AP2A2: variants seen among roughly 807,000 people sequenced by gnomAD.
AP2A2 encodes the protein AP-2 complex subunit alpha-2.
In AP2A2, 32 loss-of-function variants were observed where a neutral mutation model predicts 104.2. The observed-to-expected ratio is 0.31, with a 90% confidence interval of 0.23 to 0.41. The LOEUF is 0.41. AP2A2 is among the 10% of genes least tolerant of loss of function. The pLI is 1.00. For synonymous variants in AP2A2, 539 were observed against 533.3 expected (o/e 1.01, Z -0.15); for missense variants, 912 against 1,261.0 (o/e 0.72, Z 4.19).
chr11:983,623 TC>T (rs1441001147), intron 6 of AP2A2, among the ~76,000 whole-genome samples: 8 of 152,130 alleles, frequency 5.3e-5, no homozygotes, highest in African/African-American at 1.9e-4. Context: ...GACCTTGTGA[TC>T]CGCCCGCCTT....
In AP2A2 at chr11:994,372, G is replaced by A. The variant is rs1338723633; in HGVS notation, c.1956+127G>A. 10 of 1,225,470 alleles carry A rather than the reference G, an allele frequency of 8.2e-6. No homozygotes were observed. The East Asian group carries it at 2.5e-4, about 31-fold the overall frequency. The allele number at this position is 1,225,470 out of a possible 1,614,324, so 75.9% of individuals were successfully genotyped here. Reference sequence around the variant, plus strand: ...AACCCAGGCTCTGGCTGTGGCTCTGGACACCCCGCTGTCCTGTCCTGGGGG... The same window carrying A: ...AACCCAGGCTCTGGCTGTGGCTCTGAACACCCCGCTGTCCTGTCCTGGGGG... On this transcript the variant is annotated intron_variant, in intron 14 of 21. Transcript: ENST00000448903.
At chr11:966,986 G>A (rs993119234) in intron 2 of AP2A2, among the ~76,000 whole-genome samples, 4 of 152,058 alleles carry the variant, frequency 2.6e-5, no homozygotes, top group African/African-American at 9.7e-5. Context: ...GGCCAACATG[G>A]TGAAACCCCA....
intron 1 of AP2A2, 113 bp downstream of exon 1, chr11:926,201 C>A (rs1393328504): frequency 6.5e-6 from 3 of 462,000 alleles, no homozygotes; most frequent in African/African-American, 5.6e-5. Context: ...GGGATGCGGG[C>A]GGGGCCCGGG....
Position 977,145 on chromosome 11 carries a change from T to G in AP2A2, c.524T>G (p.Leu175Arg). Residue 175 changes from leucine to arginine, a missense_variant, in exon 5 of 22, where the codon CTG becomes CGG. Leu to Arg is a moderately radical substitution (Grantham distance 102). Coordinates refer to ENST00000448903, the MANE Select transcript of AP2A2 (RefSeq NM_012305.4). ...KQSAALCLLR[L>R]YRTSPDLVPM... ...AGCGCGGCCCTGTGCTTGCTGCGCC[T>G]GTACAGGACGTCCCCCGATCTTGTC... is the stretch of plus-strand genomic sequence containing the variant. 6.2e-7 allele frequency: 1 copy of G among 1,613,730 alleles called. No individual in the cohort carries two copies. Among genetic ancestry groups the G allele is most frequent in the Non-Finnish European group, 8.5e-7 (1 of 1,179,748 alleles).
At chr11:936,207 T>C (rs1034949671) in intron 1 of AP2A2, among the ~76,000 whole-genome samples, 1 of 78,082 alleles carries the variant, frequency 1.3e-5, no homozygotes, top group East Asian at 4.4e-4. Flanking sequence ...GCGCCTGGCC[T>C]TTTTTTTTTT....
Position 979,227 on chromosome 11 carries a change from G to A in AP2A2, c.604-1971G>A, listed in dbSNP as rs146828661. Reference sequence around the variant, plus strand: ...CGCGCCTGTCAGCCTGTTGCAGGGGGCATTCTAGATGCGTGTTTCCTGGGG... The same window carrying A: ...CGCGCCTGTCAGCCTGTTGCAGGGGACATTCTAGATGCGTGTTTCCTGGGG... On this transcript the variant is annotated intron_variant, in intron 5 of 21. Coordinates refer to ENST00000448903, the MANE Select transcript of AP2A2 (RefSeq NM_012305.4). Among the ~76,000 whole-genome samples, 12 of 150,080 alleles carry A rather than the reference G, an allele frequency of 8.0e-5. No individual in the cohort carries two copies. The East Asian group carries it at 2.4e-3, about 30-fold the overall frequency.
rs1564811674 is a variant in AP2A2 at position 988,474 on chromosome 11, G to C, written c.1132-78G>C. The C allele has an allele frequency of 2.6e-6, 4 of 1,542,512 alleles. No individual in the cohort carries two copies. The Admixed American group carries it at 6.9e-5, about 27-fold the overall frequency. The stretch of plus-strand genomic sequence containing the variant: ...ACTCAGAGTGGGTGTTGAGATGCGG[G>C]TGCCGAGCCTGTCCCCAGCCTGTCC... On this transcript the variant is annotated intron_variant, in intron 9 of 21. Coordinates refer to ENST00000448903, the MANE Select transcript of AP2A2 (RefSeq NM_012305.4).
chr11:986,861 C>G lies in AP2A2; in HGVS notation c.1039C>G (p.Leu347Val). ...GCACCGCGAGACCAACCTGCGCTAC[C>G]TGGCCCTGGAGAGCATGTGCACGCT... ...LQHRETNLRY[L>V]ALESMCTLAS... Residue 347 changes from leucine (L) to valine (V), a missense_variant, in exon 9 of 22, where the codon CTG becomes GTG. Leu to Val is a conservative substitution (Grantham distance 32). Transcript: ENST00000448903. 1 of 1,611,936 alleles carries G rather than the reference C, an allele frequency of 6.2e-7. No individual in the cohort carries two copies. The highest frequency in any genetic ancestry group is 8.5e-7 in the Non-Finnish European group (1 of 1,179,292).
At chr11:929,711 G>C (rs752753616) in intron 1 of AP2A2, among the ~76,000 whole-genome samples, 3 of 152,010 alleles carry the variant, frequency 2.0e-5, no homozygotes, top group Admixed American at 1.3e-4. Flanking sequence ...TGAGAGCATT[G>C]TCTGAGCCCT....
At chr11:962,393 T>TA (rs1189511821) in intron 2 of AP2A2, among the ~76,000 whole-genome samples, 1 of 152,246 alleles carries the variant, frequency 6.6e-6, no homozygotes, top group Non-Finnish European at 1.5e-5. Context: ...AAGAATCATC[T>TA]AATGTGTTGA....
chr11:1,006,546 A>G lies in AP2A2; in HGVS notation c.2225A>G (p.Tyr742Cys). Reference protein sequence around the residue: ...RQNLGRMFIFYGNKTSTQFLN... With the variant: ...RQNLGRMFIFCGNKTSTQFLN... ...CTTCTAGGTCGGATGTTTATCTTTT[A>G]TGGTAATAAGACCTCCACGCAGTTC... The change falls in exon 17 of 22, where the codon TAT (tyrosine) becomes TGT (cysteine). Residue 742 changes from tyrosine to cysteine, a missense_variant. Around this residue, in one of 7 missense-constraint regions of AP2A2, gnomAD observed 239 missense variants for 329.8 expected, o/e 0.72. Transcript: ENST00000448903. The G allele has an allele frequency of 1.2e-6, 2 of 1,613,464 alleles. No individual in the cohort carries two copies. Among genetic ancestry groups the G allele is most frequent in the East Asian group, 2.2e-5 (1 of 44,876 alleles).
intron 1 of AP2A2, among the ~76,000 whole-genome samples, chr11:929,281 G>A (rs1827215073): frequency 6.6e-6 from 1 of 152,170 alleles, no homozygotes; most frequent in Admixed American, 6.5e-5. Context: ...GAGAGTGAAT[G>A]ATAGGAGTAG....
intron 1 of AP2A2, among the ~76,000 whole-genome samples, chr11:955,054 C>T (rs1854192064): frequency 6.6e-6 from 1 of 152,186 alleles, no homozygotes; most frequent in Non-Finnish European, 1.5e-5. Flanking sequence ...ATAAGTTCCC[C>T]CTCAGAGTGG....
intron 1 of AP2A2, among the ~76,000 whole-genome samples, chr11:956,475 G>T (rs1854238545): frequency 6.6e-6 from 1 of 152,166 alleles, no homozygotes; most frequent in African/African-American, 2.4e-5. Context: ...AATAAAAAGT[G>T]ACTTAAATGT....
rs763778400 is a variant in AP2A2 at position 1,011,647 on chromosome 11, G to A, written c.*1022G>A. 2.9e-5 allele frequency: 11 copies of A among 373,724 alleles called. No individual in the cohort carries two copies. The highest frequency in any genetic ancestry group is 2.0e-4 in the South Asian group (10 of 51,256). 23.2% of individuals were successfully genotyped at this position (373,724 alleles called of 1,614,324 possible). On this transcript the variant is annotated 3_prime_UTR_variant, in exon 22 of 22. Transcript: ENST00000448903. ...TGGGGCCGGCCTAGGAGCCAAGGCT[G>A]GGGCCTTGCGCTCTGTCCCCAGGAT...
At chr11:933,617 AT>A in intron 1 of AP2A2, 1 of 456,206 alleles carries the variant, frequency 2.2e-6, no homozygotes, top group Non-Finnish European at 4.4e-6. Flanking sequence ...AAGCAGCCCT[AT>A]TTTAAATAGC....
At chr11:955,018 T>G (rs1854190340) in intron 1 of AP2A2, among the ~76,000 whole-genome samples, 1 of 152,252 alleles carries the variant, frequency 6.6e-6, no homozygotes, top group Non-Finnish European at 1.5e-5. Context: ...CTGCTTTAGA[T>G]CTGAGCTCTG....
chr11:998,223 G>A (rs952191039), intron 14 of AP2A2, among the ~76,000 whole-genome samples: 7 of 152,194 alleles, frequency 4.6e-5, no homozygotes, highest in Admixed American at 3.9e-4. Flanking sequence ...GAGCACATGA[G>A]ACCCGTGTCG....
In AP2A2 at chr11:964,823, C is replaced by T. The variant is rs184622927; in HGVS notation, c.136+5318C>T. 1.2e-3 allele frequency among the ~76,000 whole-genome samples: 145 copies of T among 126,074 alleles called. 8 individuals are homozygous for T. Among genetic ancestry groups the T allele is most frequent in the African/African-American group, 3.9e-3 (140 of 35,620 alleles). The allele number at this position is 126,074 out of a possible 152,430, so 82.7% of individuals were successfully genotyped here. ...AAGCGTGGAAATGGAAAGCATGGAA[C>T]GGGCAGGAAATTAAAGGAAATAATC... On this transcript the variant is annotated intron_variant, in intron 2 of 21. Coordinates refer to ENST00000448903, the MANE Select transcript of AP2A2 (RefSeq NM_012305.4).
Sources: gnomAD v4.1 joint callset for allele counts (sites outside exome capture counted in the v4.1 genomes callset) on GRCh38, gnomAD v4.1.1 for gene constraint, gnomAD v4.1.1 regional missense constraint, MANE v1.5 for transcripts, NCBI Gene and HGNC (gene_info 2026-07-23, HGNC 2026-07-21) for gene names.